Variants in FRMD5 observed in about 807,000 individuals in gnomAD.
FRMD5 encodes FERM domain-containing protein 5.
FRMD5 carries 20 observed loss-of-function variants against 69.0 expected under a neutral mutation model. The ratio of observed to expected loss-of-function variants is 0.29; its 90% CI spans 0.20 to 0.42. The LOEUF is 0.42. Ranked by LOEUF, FRMD5 falls within the 10% of genes least tolerant of loss-of-function variation. FRMD5 has a pLI of 1.00. For missense variants in FRMD5, 595 were observed against 708.6 expected (o/e 0.84, Z 1.82); for synonymous variants, 271 against 260.1 (o/e 1.04, Z -0.40).
At chr15:43,928,976 G>T (rs2089631384) in intron 1 of FRMD5, among the ~76,000 whole-genome samples, 1 of 152,276 alleles carries the variant, frequency 6.6e-6, no homozygotes, top group East Asian at 1.9e-4. Flanking sequence ...AACTTATTAA[G>T]CACTCGTTTA....
At position 43,999,930 on chromosome 15, in the gene FRMD5, T is replaced by TATATATATATATGCCATGC. The variant is rs1890111196; in HGVS notation, c.103-75622_103-75621insGCATGGCATATATATATAT. Among the ~76,000 whole-genome samples the TATATATATATATGCCATGC allele has an allele frequency of 5.4e-5, 7 of 129,560 alleles. 1 individual carries two copies. The highest frequency in any genetic ancestry group is 2.4e-4 in the South Asian group (1 of 4,218). The allele number at this position is 129,560 out of a possible 152,430, so 85.0% of individuals were successfully genotyped here. On this transcript the variant is annotated intron_variant, in intron 1 of 13. Transcript: ENST00000417257. Reference sequence around the variant, plus strand: ...ATATTTGTGTGTGTGTATGTATATATATATATATATATATATGCCATGCAT... The same window carrying TATATATATATATGCCATGC: ...ATATTTGTGTGTGTGTATGTATATATATATATATATATGCCATGCATATATATATATATATGCCATGCAT...
At chr15:44,184,364 A>G (rs754832093) in intron 1 of FRMD5, among the ~76,000 whole-genome samples, 3 of 152,246 alleles carry the variant, frequency 2.0e-5, no homozygotes, top group Non-Finnish European at 4.4e-5. Context: ...CAAGGTTTTC[A>G]GGAATCTTTA....
chr15:43,942,077 C>A (rs1331665615), intron 1 of FRMD5, among the ~76,000 whole-genome samples: 1 of 152,126 alleles, frequency 6.6e-6, no homozygotes, highest in Non-Finnish European at 1.5e-5. Flanking sequence ...AAAAGCCAGG[C>A]TTGCTGGTAT....
intron 13 of FRMD5, chr15:43,876,290 C>A: frequency 7.9e-7 from 1 of 1,272,282 alleles, no homozygotes; most frequent in Non-Finnish European, 1.1e-6. Context: ...CTGGTTTTTA[C>A]CCCAGTTTGA....
chr15:43,973,917 C>T (rs999756190), intron 1 of FRMD5, among the ~76,000 whole-genome samples: 1 of 150,998 alleles, frequency 6.6e-6, no homozygotes, highest in African/African-American at 2.4e-5. Flanking sequence ...AGTTTAACTG[C>T]TGGAACTAGA....
intron 1 of FRMD5, among the ~76,000 whole-genome samples, chr15:43,975,624 G>C (rs1193297247): frequency 6.6e-6 from 1 of 152,150 alleles, no homozygotes; most frequent in Non-Finnish European, 1.5e-5. Context: ...AGAAATGAAA[G>C]AAAACCTAAA....
rs1419274328 is a variant in FRMD5, at chr15:44,012,099, T to G, written c.103-87790A>C. On this transcript the variant is annotated intron_variant, in intron 1 of 13. Coordinates refer to ENST00000417257, the MANE Select transcript of FRMD5 (RefSeq NM_032892.5). The stretch of plus-strand genomic sequence containing the variant: ...GTGCAAATTTCTAAAGACCTTCATT[T>G]TAAGGATTCAGCAGATACTGACAAA... 2.0e-5 allele frequency among the ~76,000 whole-genome samples: 3 copies of G among 152,320 alleles called. No individual in the cohort carries two copies. In the East Asian group the frequency reaches 5.8e-4, roughly 29 times the overall value.
intron 1 of FRMD5, among the ~76,000 whole-genome samples, chr15:44,184,069 A>G (rs765458819): frequency 6.6e-6 from 1 of 151,728 alleles, no homozygotes; most frequent in Non-Finnish European, 1.5e-5. Context: ...ATTTCTGCTT[A>G]AGGCTCTCAC....
chr15:43,967,513 G>A (rs1423320229), intron 1 of FRMD5, among the ~76,000 whole-genome samples: 1 of 152,032 alleles, frequency 6.6e-6, no homozygotes, highest in Non-Finnish European at 1.5e-5. Flanking sequence ...TTATAGGCAT[G>A]AGCCACCGCA....
intron 13 of FRMD5, chr15:43,875,830 TTCAGTC>T: frequency 2.2e-6 from 1 of 458,134 alleles, no homozygotes; most frequent in Non-Finnish European, 4.0e-6. Context: ...TTTTTTTTCT[TTCAGTC>T]TTTCATATGA....
Position 44,001,462 on chromosome 15 carries a change from T to G in FRMD5, c.103-77153A>C, listed in dbSNP as rs548666585. ...GTTGCCTGTGTTTTTAGTGTCATAT[T>G]AAAAAAAGTATTGCCAAGACTAATG... On this transcript the variant is annotated intron_variant, in intron 1 of 13. Transcript: ENST00000417257. Among the ~76,000 whole-genome samples, 6 of 152,158 alleles carry G rather than the reference T, an allele frequency of 3.9e-5. No homozygotes were observed. In the East Asian group the frequency reaches 1.2e-3, roughly 29 times the overall value.
At chr15:44,132,959 C>T (rs1473357454) in intron 1 of FRMD5, among the ~76,000 whole-genome samples, 2 of 151,818 alleles carry the variant, frequency 1.3e-5, no homozygotes, top group Non-Finnish European at 2.9e-5. Context: ...GATGGGGTTT[C>T]ACCACGTTAG....
At chr15:43,963,471 A>G (rs2090239197) in intron 1 of FRMD5, among the ~76,000 whole-genome samples, 1 of 152,340 alleles carries the variant, frequency 6.6e-6, no homozygotes, top group African/African-American at 2.4e-5. Flanking sequence ...ACTGTAAACT[A>G]GTTCAACCAT....
At chr15:43,929,246 G>C (rs1566841926) in intron 1 of FRMD5, among the ~76,000 whole-genome samples, 1 of 152,170 alleles carries the variant, frequency 6.6e-6, no homozygotes, top group African/African-American at 2.4e-5. Context: ...GCTTGGGCCA[G>C]TGACCTAAAC....
At chr15:44,109,576 C>T (rs148602688) in intron 1 of FRMD5, among the ~76,000 whole-genome samples, 9 of 151,940 alleles carry the variant, frequency 5.9e-5, no homozygotes, top group African/African-American at 2.2e-4. Context: ...TGAAACCCAC[C>T]CCCAACTATT....
chr15:43,884,902 T>C, intron 11 of FRMD5, 107 bp from the exon 12 acceptor site: 1 of 936,414 alleles, frequency 1.1e-6, no homozygotes. Context: ...ATGGCATCTG[T>C]GGCCCACCCT....
intron 1 of FRMD5, among the ~76,000 whole-genome samples, chr15:44,141,724 G>C (rs1566967987): frequency 6.6e-6 from 1 of 152,166 alleles, no homozygotes; most frequent in African/African-American, 2.4e-5. Flanking sequence ...TTGTAATTCG[G>C]AAGCTGCAGA....
In FRMD5 at chr15:43,885,732, C is replaced by A. The variant is rs766531920; in HGVS notation, c.908G>T (p.Arg303Leu). The A allele has an allele frequency of 1.2e-6, 2 of 1,614,132 alleles. No homozygotes were observed. The highest frequency in any genetic ancestry group is 1.7e-6 in the Non-Finnish European group (2 of 1,179,964). ...FYKLEKSSQV[R>L]TVSSSNLFFK... ...GAATAAATTGCTGCTGGACACTGTGCGGACTTGGCTTGACTTCTCCAGCCT... is the reference window on the plus strand; with the variant it reads ...GAATAAATTGCTGCTGGACACTGTGAGGACTTGGCTTGACTTCTCCAGCCT... The change falls in exon 11 of 14, where the codon CGC becomes CTC. Residue 303 changes from arginine to leucine, a missense_variant. Transcript: ENST00000417257.
intron 1 of FRMD5, among the ~76,000 whole-genome samples, chr15:43,964,178 C>A (rs1012990309): frequency 6.6e-6 from 1 of 152,024 alleles, no homozygotes; most frequent in Non-Finnish European, 1.5e-5. Flanking sequence ...TATAGATCAA[C>A]TTTAAAAAGA....
Sources: allele counts gnomAD v4.1 joint callset (sites outside exome capture counted in the v4.1 genomes callset), GRCh38; gene constraint gnomAD v4.1.1; transcripts MANE v1.5; gene names NCBI Gene and HGNC (gene_info 2026-07-23, HGNC 2026-07-21).